The following HDGF variants were observed in gnomAD, a reference collection of about 807,000 sequenced individuals.
The protein encoded by HDGF is hepatoma-derived growth factor.
HDGF carries 5 observed loss-of-function variants against 30.0 expected under a neutral mutation model. That is an observed-to-expected ratio of 0.17 (90% CI 0.09 to 0.35). HDGF has a LOEUF of 0.35. Among genes scored for constraint, HDGF ranks in the 10% least tolerant of loss-of-function variants. HDGF has a pLI of 1.00. For synonymous variants in HDGF, 133 were observed against 112.7 expected, an observed-to-expected ratio of 1.18 and a Z score of -1.14; for missense variants, 214 against 302.8, an observed-to-expected ratio of 0.71 and a Z score of 2.18.
exon 2 of HDGF, chr1:156,759,072 A>C (rs1651201002): frequency 6.6e-6 from 1 of 152,194 alleles, no homozygotes; most frequent in African/African-American, 2.4e-5. Flanking sequence ...GTGACAATGA[A>C]TGGCTCCTTG....
At chr1:156,744,373 A>AG (rs1201070530) in intron 3 of HDGF, 25 bp from the exon 4 acceptor site, 1 of 1,612,512 alleles carries the variant, frequency 6.2e-7, no homozygotes, top group South Asian at 1.1e-5. Flanking sequence ...GCACAGGCTG[A>AG]GTGGCACCAG....
intron 1 of HDGF, among the ~76,000 whole-genome samples, chr1:156,759,638 T>C (rs533161486): frequency 4.6e-5 from 7 of 152,266 alleles, no homozygotes; most frequent in African/African-American, 1.7e-4. Context: ...CACGCCACCA[T>C]GCCCGGCTCA....
At chr1:156,767,227 T>A (rs536121669), upstream of HDGF, among the ~76,000 whole-genome samples, 230 of 152,266 alleles carry the variant, frequency 1.5e-3, 2 homozygotes, top group Admixed American at 5.0e-3. Flanking sequence ...GGGGCTACCC[T>A]AGGGAACTTC....
Position 156,751,246 on chromosome 1 carries a change from C to G in HDGF, c.87+97G>C, listed in dbSNP as rs1571555598. On this transcript the variant is annotated intron_variant, in intron 1 of 5. Transcript: ENST00000357325. The surrounding 1 kb of genome is among the most constrained non-coding windows in gnomAD (Gnocchi z 4.7). ...CGGAGACCTACAAGCCCCCTGCCCCCACCTCTGCCCGCTCCGCGCGGAGCG... is the reference window on the plus strand; with the variant it reads ...CGGAGACCTACAAGCCCCCTGCCCCGACCTCTGCCCGCTCCGCGCGGAGCG... 3 of 1,409,750 alleles carry G rather than the reference C, an allele frequency of 2.1e-6. No individual in the cohort carries two copies. Among genetic ancestry groups the G allele is most frequent in the Admixed American group, 5.3e-5 (2 of 37,740 alleles). The allele number at this position is 1,409,750 out of a possible 1,614,324, so 87.3% of individuals were successfully genotyped here. A position where few individuals can be genotyped will look rare whatever the true frequency, so the allele number is the denominator to read the frequency against.
At chr1:156,745,453 C>T (rs1650466119) in intron 1 of HDGF, 80 bp from the exon 2 acceptor site, 10 of 1,211,350 alleles carry the variant, frequency 8.3e-6, no homozygotes, top group East Asian at 2.5e-5. Flanking sequence ...CTCCAAGGCA[C>T]ATTTATATAA....
Position 156,743,491 on chromosome 1 carries a change from G to A in HDGF, c.717-36C>T, listed in dbSNP as rs747719572. 6 of 1,563,138 alleles carry A rather than the reference G, an allele frequency of 3.8e-6. No homozygotes were observed. The East Asian group carries it at 1.1e-4, about 29-fold the overall frequency. On this transcript the variant is annotated intron_variant, in intron 5 of 5. Transcript: ENST00000357325. ...GGGTTGGAGGGGAGAAGGGTTAATG[G>A]TGTGGCCTTGGCCTGGCCTTGCCCC...
At chr1:156,744,792 A>G (rs539837220) in intron 3 of HDGF, among the ~76,000 whole-genome samples, 1 of 152,122 alleles carries the variant, frequency 6.6e-6, no homozygotes, top group African/African-American at 2.4e-5. Context: ...CTTGCCCCCC[A>G]GACTGCTGTC....
chr1:156,746,308 G>A (rs1429867816), intron 1 of HDGF, among the ~76,000 whole-genome samples: 1 of 152,236 alleles, frequency 6.6e-6, no homozygotes, highest in East Asian at 1.9e-4. Context: ...TTAGCATACA[G>A]TAGGTATATA....
chr1:156,755,939 T>G (rs548448305), upstream of HDGF, among the ~76,000 whole-genome samples: 1 of 152,172 alleles, frequency 6.6e-6, no homozygotes, highest in Non-Finnish European at 1.5e-5. Flanking sequence ...TGATTATGAT[T>G]GAATGAATGA....
At chr1:156,758,209 A>C (rs972934778) in intron 2 of HDGF, among the ~76,000 whole-genome samples, 70 of 152,098 alleles carry the variant, frequency 4.6e-4, no homozygotes, top group African/African-American at 1.6e-3. Flanking sequence ...GAGAAAGGAG[A>C]ATCACTTGAA....
chr1:156,751,343 C>T lies in HDGF; in HGVS notation c.87G>A (p.Arg29=). The part of the protein sequence containing the change: ...KMKGYPHWPA[R]IDEMPEAAVK... The stretch of plus-strand genomic sequence containing the variant: ...GGGGGCGGCGGGCCGCGCTGCTCAC[C>T]CGGGCCGGCCAGTGTGGGTAGCCCT... The change falls in exon 1 of 6, where the codon CGG becomes CGA. Residue 29 remains arginine (R), a splice_region_variant and synonymous_variant. Transcript: ENST00000357325. The surrounding 1 kb of genome is among the most constrained non-coding windows in gnomAD (Gnocchi z 4.7). 6.2e-7 allele frequency: 1 copy of T among 1,607,994 alleles called. No homozygotes were observed. Among genetic ancestry groups the T allele is most frequent in the African/African-American group, 1.3e-5 (1 of 74,522 alleles).
intron 4 of HDGF, 53 bp downstream of exon 4, chr1:156,744,110 T>A (rs1650334222): frequency 6.4e-7 from 1 of 1,570,056 alleles, no homozygotes; most frequent in South Asian, 1.1e-5. Context: ...TCCTGTGGGA[T>A]ACCCCATGGG....
intron 1 of HDGF, among the ~76,000 whole-genome samples, chr1:156,764,212 A>G (rs6672085): frequency 0.046 from 6,486 of 142,032 alleles, 491 homozygotes; most frequent in African/African-American, 0.16. Context: ...GCCACCGTAC[A>G]TAGTTAAAAA....
At chr1:156,747,156 C>A (rs974067336) in intron 1 of HDGF, among the ~76,000 whole-genome samples, 1 of 148,462 alleles carries the variant, frequency 6.7e-6, no homozygotes, top group African/African-American at 2.5e-5. Flanking sequence ...GCAGTTCCCC[C>A]TACAAACACG....
upstream of HDGF, chr1:156,752,119 T>C: frequency 1.3e-6 from 2 of 1,551,528 alleles, no homozygotes; most frequent in South Asian, 1.2e-5. Flanking sequence ...TCCACAAATA[T>C]TTACTGGGCA....
At chr1:156,756,482 GCTTA>G (rs1353263602), upstream of HDGF, among the ~76,000 whole-genome samples, 1 of 152,186 alleles carries the variant, frequency 6.6e-6, no homozygotes, top group Non-Finnish European at 1.5e-5. Flanking sequence ...TTGGGAGTCA[GCTTA>G]CTTAGGTTTG....
chr1:156,746,260 G>T, intron 1 of HDGF, among the ~76,000 whole-genome samples: 1 of 152,148 alleles, frequency 6.6e-6, no homozygotes. Flanking sequence ...CAGCCCCAAG[G>T]TCAGAGACCA....
In HDGF at chr1:156,742,775, G is replaced by A. The variant is rs1285020601; in HGVS notation, c.*674C>T. On this transcript the variant is annotated 3_prime_UTR_variant, in exon 6 of 6. Coordinates refer to ENST00000357325, the MANE Select transcript of HDGF (RefSeq NM_004494.3). Reference sequence around the variant, plus strand: ...CTCAGGTCCTTGGCCCGAACAACTTGGAAGCCCCAAATTCTCTTGATGATT... The same window carrying A: ...CTCAGGTCCTTGGCCCGAACAACTTAGAAGCCCCAAATTCTCTTGATGATT... The A allele has an allele frequency of 6.5e-6, 1 of 154,690 alleles. No homozygotes were observed. Among genetic ancestry groups the A allele is most frequent in the Non-Finnish European group, 1.5e-5 (1 of 68,192 alleles). 9.6% of individuals were successfully genotyped at this position (154,690 alleles called of 1,614,324 possible).
upstream of HDGF, chr1:156,751,755 C>A: frequency 1.7e-6 from 2 of 1,201,296 alleles, no homozygotes; most frequent in Non-Finnish European, 2.1e-6. The surrounding 1 kb of genome is among the most constrained non-coding windows in gnomAD (Gnocchi z 4.7). Flanking sequence ...CTCCCTCCTC[C>A]CGGACCCACT....
Sources: gnomAD v4.1 joint callset for allele counts (sites outside exome capture counted in the v4.1 genomes callset) on GRCh38, gnomAD v4.1.1 for gene constraint, Gnocchi (gnomAD v3.1) non-coding constraint, MANE v1.5 for transcripts, NCBI Gene and HGNC (gene_info 2026-07-23, HGNC 2026-07-21) for gene names.